The following SERPINI1 variants were observed in gnomAD, a reference collection of about 807,000 sequenced individuals.
The protein encoded by SERPINI1 is serpin family I member 1.
SERPINI1 carries 19 observed loss-of-function variants against 41.1 expected under a neutral mutation model. The ratio of observed to expected loss-of-function variants is 0.46; its 90% CI spans 0.32 to 0.68. The LOEUF (loss-of-function observed/expected upper bound fraction) is 0.68. Among genes scored for constraint, SERPINI1 ranks in the 30% least tolerant of loss-of-function variants. The probability of loss-of-function intolerance (pLI) is 0.03; values close to 1 mark genes in which losing one functional copy is unlikely to be tolerated. For missense variants in SERPINI1, 460 were observed against 479.2 expected (o/e 0.96, Z 0.37); for synonymous variants, 138 against 156.6 (o/e 0.88, Z 0.89).
At chr3:167,763,082 TA>T (rs1264024576) in intron 1 of SERPINI1, among the ~76,000 whole-genome samples, 1 of 152,134 alleles carries the variant, frequency 6.6e-6, no homozygotes, top group African/African-American at 2.4e-5. Context: ...AAAATATACC[TA>T]AATCATTCAT....
intron 1 of SERPINI1, among the ~76,000 whole-genome samples, chr3:167,766,464 C>G (rs942797371): frequency 1.3e-5 from 2 of 152,192 alleles, no homozygotes; most frequent in Admixed American, 6.5e-5. Flanking sequence ...TTATCTCCCA[C>G]TGGGTCTCTC....
chr3:167,774,627 G>A (rs759128418), intron 1 of SERPINI1, among the ~76,000 whole-genome samples: 6 of 152,266 alleles, frequency 3.9e-5, no homozygotes, highest in South Asian at 2.1e-4. Context: ...TCCACCTCCT[G>A]TCAGACCAGC....
rs147751474 is a variant in SERPINI1, at chr3:167,757,191, G to A, written c.-19+21368G>A. Among the ~76,000 whole-genome samples the A allele has an allele frequency of 1.9e-3, 288 of 152,296 alleles. 2 individuals are homozygous for A. The highest frequency in any genetic ancestry group is 6.2e-3 in the African/African-American group (257 of 41,552). On this transcript the variant is annotated intron_variant, in intron 1 of 8. Coordinates refer to ENST00000446050, the MANE Select transcript of SERPINI1 (RefSeq NM_001122752.2). The stretch of plus-strand genomic sequence containing the variant: ...CCAACCCTCCTGTTTTACTGATGAA[G>A]CCTAGAGCTTTTTCTAAGACCAGCT...
chr3:167,820,281 G>T (rs9817284), intron 6 of SERPINI1, among the ~76,000 whole-genome samples: 43,343 of 152,068 alleles, frequency 0.29, 7,443 homozygotes, highest in African/African-American at 0.48. Context: ...AGCAGCCAGG[G>T]CTTCATGCTC....
At chr3:167,823,421 C>T (rs79937834) in intron 7 of SERPINI1, among the ~76,000 whole-genome samples, 3,607 of 152,238 alleles carry the variant, frequency 0.024, 119 homozygotes, top group African/African-American at 0.083. Context: ...AAATTATTTG[C>T]TGAAGTTGAT....
chr3:167,754,350 T>C (rs1726132714), intron 1 of SERPINI1, among the ~76,000 whole-genome samples: 1 of 152,232 alleles, frequency 6.6e-6, no homozygotes. Flanking sequence ...AAGTGTCTCT[T>C]AAAGCCCTCC....
chr3:167,809,175 C>A (rs1232640955), intron 6 of SERPINI1, among the ~76,000 whole-genome samples: 2 of 152,100 alleles, frequency 1.3e-5, no homozygotes, highest in Admixed American at 1.3e-4. Flanking sequence ...GGTAGAGATT[C>A]AAAATATAAT....
At chr3:167,784,078 TC>T (rs1179461862) in intron 1 of SERPINI1, among the ~76,000 whole-genome samples, 1 of 152,022 alleles carries the variant, frequency 6.6e-6, no homozygotes, top group Non-Finnish European at 1.5e-5. Flanking sequence ...GGTTTTGACA[TC>T]CCATTTTCCC....
At chr3:167,766,020 G>A (rs1726555667) in intron 1 of SERPINI1, among the ~76,000 whole-genome samples, 1 of 152,040 alleles carries the variant, frequency 6.6e-6, no homozygotes, top group African/African-American at 2.4e-5. Context: ...CAAGTCTCTA[G>A]GAAGCTCCAA....
At chr3:167,806,266 G>A (rs371645092) in intron 5 of SERPINI1, among the ~76,000 whole-genome samples, 2 of 151,484 alleles carry the variant, frequency 1.3e-5, no homozygotes, top group African/African-American at 2.4e-5. Flanking sequence ...AGTAGGAGTC[G>A]AACAATGAGA....
At chr3:167,758,418 TAAG>T (rs1392663132) in intron 1 of SERPINI1, among the ~76,000 whole-genome samples, 2 of 152,148 alleles carry the variant, frequency 1.3e-5, no homozygotes, top group East Asian at 3.9e-4. Context: ...TTTCGATACA[TAAG>T]TAAATGGGAG....
At chr3:167,780,966 T>C (rs757933222) in intron 1 of SERPINI1, among the ~76,000 whole-genome samples, 2 of 152,136 alleles carry the variant, frequency 1.3e-5, no homozygotes, top group Non-Finnish European at 2.9e-5. Context: ...TGTGTGATGA[T>C]CAGCTGATTT....
chr3:167,774,046 T>C (rs1331077639), intron 1 of SERPINI1, among the ~76,000 whole-genome samples: 4 of 151,786 alleles, frequency 2.6e-5, no homozygotes, highest in African/African-American at 7.3e-5. Context: ...AGTTTTTTTC[T>C]AAAAAAAAGA....
intron 5 of SERPINI1, among the ~76,000 whole-genome samples, chr3:167,795,846 G>A (rs1375326658): frequency 1.3e-5 from 2 of 152,004 alleles, no homozygotes; most frequent in African/African-American, 4.8e-5. Context: ...AAACCTAGTA[G>A]GAAAACTAGG....
At chr3:167,803,622 C>G (rs1711522398) in intron 5 of SERPINI1, among the ~76,000 whole-genome samples, 1 of 152,116 alleles carries the variant, frequency 6.6e-6, no homozygotes, top group Non-Finnish European at 1.5e-5. Context: ...AAGAAACTTG[C>G]CGAAGTTCGC....
At chr3:167,823,742 T>C (rs906426035) in intron 7 of SERPINI1, among the ~76,000 whole-genome samples, 2 of 152,156 alleles carry the variant, frequency 1.3e-5, no homozygotes, top group African/African-American at 2.4e-5. Context: ...TATCCCAACA[T>C]ACCCCACCTC....
chr3:167,760,466 T>C (rs765365687), intron 1 of SERPINI1, among the ~76,000 whole-genome samples: 2 of 151,992 alleles, frequency 1.3e-5, no homozygotes, highest in Non-Finnish European at 2.9e-5. Context: ...CCTCCAATCC[T>C]CTGATACTAT....
rs1726921795 is a variant in SERPINI1 at position 167,775,159 on chromosome 3, G to A, written c.-18-13952G>A. On this transcript the variant is annotated intron_variant, in intron 1 of 8. Transcript: ENST00000446050. ...AAGTCTGTGTGAATTTTAAGTGTGT[G>A]TTCTAGTAACTTCTCTGAAAATTTT... 2.6e-5 allele frequency among the ~76,000 whole-genome samples: 3 copies of A among 115,758 alleles called. 1 individual carries two copies. Among genetic ancestry groups the A allele is most frequent in the African/African-American group, 1.2e-4 (3 of 24,778 alleles). The allele number at this position is 115,758 out of a possible 152,430, so 75.9% of individuals were successfully genotyped here. A position where few individuals can be genotyped will look rare whatever the true frequency, so the allele number is the denominator to read the frequency against.
intron 6 of SERPINI1, among the ~76,000 whole-genome samples, chr3:167,814,364 C>T (rs1321407293): frequency 2.0e-5 from 3 of 152,020 alleles, no homozygotes; most frequent in African/African-American, 7.2e-5. Flanking sequence ...GAAAAGCAAA[C>T]AAAGAAACAT....
Sources: gnomAD v4.1 joint callset for allele counts (sites outside exome capture counted in the v4.1 genomes callset) on GRCh38, gnomAD v4.1.1 for gene constraint, MANE v1.5 for transcripts, NCBI Gene and HGNC (gene_info 2026-07-23, HGNC 2026-07-21) for gene names.